Variants in ERC2 observed in about 807,000 individuals in gnomAD.
ERC2 encodes the protein ERC protein 2.
In ERC2, 42 loss-of-function variants were observed where a neutral mutation model predicts 114.8. That is an observed-to-expected ratio of 0.37 (90% CI 0.29 to 0.47). ERC2 has a LOEUF of 0.47. ERC2 is among the 20% of genes least tolerant of loss of function. The pLI, the probability that ERC2 is intolerant of heterozygous loss-of-function variation, is 0.99. For synonymous variants in ERC2, 454 were observed against 425.5 expected, an observed-to-expected ratio of 1.07 and a Z score of -0.82; for missense variants, 939 against 1,150.7, an observed-to-expected ratio of 0.82 and a Z score of 2.66.
intron 12 of ERC2, among the ~76,000 whole-genome samples, chr3:55,966,627 A>G (rs2068765828): frequency 6.6e-6 from 1 of 152,198 alleles, no homozygotes; most frequent in East Asian, 1.9e-4. Flanking sequence ...TCATCTAGCT[A>G]GAGGGAGGCA....
chr3:55,751,061 C>T (rs1041399743), intron 14 of ERC2, among the ~76,000 whole-genome samples: 98 of 152,194 alleles, frequency 6.4e-4, no homozygotes, highest in African/African-American at 2.3e-3. Context: ...TCCATGACTT[C>T]CACGGTCTGG....
At chr3:56,387,270 A>G (rs1213533925) in intron 2 of ERC2, among the ~76,000 whole-genome samples, 1 of 152,176 alleles carries the variant, frequency 6.6e-6, no homozygotes, top group East Asian at 1.9e-4. Flanking sequence ...ATTTGTTATT[A>G]TTGTTATAGA....
intron 2 of ERC2, among the ~76,000 whole-genome samples, chr3:56,365,678 G>C (rs1272762395): frequency 6.6e-6 from 1 of 152,188 alleles, no homozygotes; most frequent in Non-Finnish European, 1.5e-5. Context: ...ATGACACACA[G>C]AAATTATATA....
chr3:55,951,702 C>G (rs1280842071), intron 12 of ERC2, among the ~76,000 whole-genome samples: 1 of 151,968 alleles, frequency 6.6e-6, no homozygotes, highest in African/African-American at 2.4e-5. Flanking sequence ...CTTTCGGATC[C>G]CTTTCCCCCA....
At chr3:56,060,202 T>G (rs1286052640) in intron 7 of ERC2, among the ~76,000 whole-genome samples, 2 of 152,216 alleles carry the variant, frequency 1.3e-5, no homozygotes, top group East Asian at 1.9e-4. Flanking sequence ...ATGAAGGAAC[T>G]GACAAACAAA....
At chr3:56,425,222 A>G (rs192607441) in intron 2 of ERC2, among the ~76,000 whole-genome samples, 2 of 152,256 alleles carry the variant, frequency 1.3e-5, no homozygotes, top group Non-Finnish European at 2.9e-5. Flanking sequence ...AAACACACAC[A>G]CACATACACA....
chr3:56,218,532 A>G (rs1024050721), intron 3 of ERC2, among the ~76,000 whole-genome samples: 1 of 152,228 alleles, frequency 6.6e-6, no homozygotes, highest in African/African-American at 2.4e-5. Flanking sequence ...ACACTTTTAC[A>G]CTGTTGGTGG....
At chr3:56,344,756 G>A (rs894860840) in intron 2 of ERC2, among the ~76,000 whole-genome samples, 12 of 152,100 alleles carry the variant, frequency 7.9e-5, no homozygotes, top group African/African-American at 2.2e-4. Context: ...ATCATTCACC[G>A]AACAATGACT....
At chr3:55,766,974 T>G (rs1018557187) in intron 14 of ERC2, among the ~76,000 whole-genome samples, 4 of 152,198 alleles carry the variant, frequency 2.6e-5, no homozygotes, top group African/African-American at 9.6e-5. Context: ...GTTTCCCAGG[T>G]CATATCAACT....
At chr3:55,701,933 G>A (rs2063242357) in intron 15 of ERC2, among the ~76,000 whole-genome samples, 1 of 152,212 alleles carries the variant, frequency 6.6e-6, no homozygotes. Flanking sequence ...CTGTGGGCAA[G>A]AAGGAAGGGA....
At chr3:56,178,962 T>C (rs1272820556) in intron 3 of ERC2, among the ~76,000 whole-genome samples, 1 of 151,574 alleles carries the variant, frequency 6.6e-6, no homozygotes, top group Non-Finnish European at 1.5e-5. Flanking sequence ...AAAGCAGGGG[T>C]GTCCAATCTT....
chr3:56,434,955 G>C lies in ERC2; in HGVS notation c.53C>G (p.Ser18Cys). 1 of 1,613,412 alleles carries C rather than the reference G, an allele frequency of 6.2e-7. No individual in the cohort carries two copies. Among genetic ancestry groups the C allele is most frequent in the Non-Finnish European group, 8.5e-7 (1 of 1,179,818 alleles). ...ACGAGGAGACCTTGGCAAACGAGGG[G>C]ATCTGGAAGGGCTACCTTCCAGATT... ...ITNLEGSPSR[S>C]PRLPRSPRLG... is the part of the protein sequence containing the mutation. The change falls in exon 2 of 18, where the codon TCC (serine) becomes TGC (cysteine). Residue 18 changes from serine (S) to cysteine (C), a missense_variant. By Grantham distance (112) the Ser-to-Cys change is moderately radical. Around this residue, in one of 5 missense-constraint regions of ERC2, gnomAD observed 281 missense variants for 307.4 expected, o/e 0.91. Coordinates refer to ENST00000288221, the MANE Select transcript of ERC2 (RefSeq NM_015576.3).
intron 2 of ERC2, among the ~76,000 whole-genome samples, chr3:56,368,279 T>A (rs1442587422): frequency 6.6e-6 from 1 of 151,876 alleles, no homozygotes; most frequent in African/African-American, 2.4e-5. Context: ...AGTTCAGGAA[T>A]ATTCACTCAG....
chr3:56,443,833 C>A (rs1008309162), intron 1 of ERC2, among the ~76,000 whole-genome samples: 6 of 151,990 alleles, frequency 3.9e-5, no homozygotes, highest in African/African-American at 1.5e-4. Flanking sequence ...GCTTTTCCAC[C>A]CACCTATAAA....
At chr3:56,173,772 G>C (rs539040906) in intron 3 of ERC2, 2 of 476,370 alleles carry the variant, frequency 4.2e-6, no homozygotes, top group African/African-American at 4.0e-5. Context: ...GACAAAGCCA[G>C]CAAGTAATCA....
intron 15 of ERC2, among the ~76,000 whole-genome samples, chr3:55,704,749 T>C (rs1838635): frequency 0.34 from 51,315 of 152,102 alleles, 9,783 homozygotes; most frequent in South Asian, 0.54. Context: ...TAAAGGAATG[T>C]GCCGCATTGG....
intron 14 of ERC2, among the ~76,000 whole-genome samples, chr3:55,744,130 T>C (rs1440817789): frequency 1.3e-5 from 2 of 152,276 alleles, no homozygotes; most frequent in Non-Finnish European, 2.9e-5. Flanking sequence ...TGGCCAGGCA[T>C]GGTGGATCAT....
chr3:56,422,824 A>G (rs2061435467), intron 2 of ERC2, among the ~76,000 whole-genome samples: 1 of 152,216 alleles, frequency 6.6e-6, no homozygotes, highest in Admixed American at 6.5e-5. Context: ...TGCATAAAAT[A>G]GAGATGCCAT....
intron 12 of ERC2, among the ~76,000 whole-genome samples, chr3:55,956,853 C>T (rs905448239): frequency 9.2e-5 from 14 of 152,138 alleles, no homozygotes; most frequent in African/African-American, 3.4e-4. Context: ...TCCCTCCTTG[C>T]TTTATTCTTC....
Sources: allele counts gnomAD v4.1 joint callset (sites outside exome capture counted in the v4.1 genomes callset), GRCh38; gene constraint gnomAD v4.1.1; regional missense constraint gnomAD v4.1.1; transcripts MANE v1.5; gene names NCBI Gene and HGNC (gene_info 2026-07-23, HGNC 2026-07-21).